The following OSBPL3 variants were observed in gnomAD, a reference collection of about 807,000 sequenced individuals.
OSBPL3 encodes oxysterol binding protein like 3.
Under a neutral mutation model 120.1 loss-of-function variants are expected in OSBPL3, and 65 were observed. That is an observed-to-expected ratio of 0.54 (90% CI 0.44 to 0.67). The LOEUF (loss-of-function observed/expected upper bound fraction) is 0.67, where lower values mean the gene tolerates loss of function less well. Ranked by LOEUF, OSBPL3 falls within the 30% of genes least tolerant of loss-of-function variation. OSBPL3 has a pLI of 0.00. For synonymous variants in OSBPL3, 416 were observed against 402.6 expected, an observed-to-expected ratio of 1.03 and a Z score of -0.40; for missense variants, 1,004 against 1,082.1, an observed-to-expected ratio of 0.93 and a Z score of 1.01.
rs1339401772 is a variant in OSBPL3, at chr7:24,938,077, G to C, written c.-150+41809C>G. On this transcript the variant is annotated intron_variant, in intron 1 of 22. Transcript: ENST00000313367. This position sits in a 1 kb window ranked among gnomAD's most constrained non-coding sequence, Gnocchi z 5.8. ...CAAATGGTGGCCTAAATATACAAGGGCTTATTTGCTATGGGCTGAAAGTTT... is the reference window on the plus strand; with the variant it reads ...CAAATGGTGGCCTAAATATACAAGGCCTTATTTGCTATGGGCTGAAAGTTT... Among the ~76,000 whole-genome samples the C allele has an allele frequency of 1.3e-5, 2 of 152,138 alleles. No individual in the cohort carries two copies. The highest frequency in any genetic ancestry group is 4.8e-5 in the African/African-American group (2 of 41,410).
At chr7:24,980,204 C>G (rs1019294375), upstream of OSBPL3, 45 of 274,972 alleles carry the variant, frequency 1.6e-4, no homozygotes, top group African/African-American at 9.4e-4. Flanking sequence ...GCGATTAGCC[C>G]GAGGAGCCGC....
At chr7:24,909,792 T>TC (rs1808548512) in intron 1 of OSBPL3, among the ~76,000 whole-genome samples, 1 of 135,718 alleles carries the variant, frequency 7.4e-6, no homozygotes, top group Non-Finnish European at 1.6e-5. Context: ...TCTTTTTTTT[T>TC]TTTTTTTTTT....
intron 1 of OSBPL3, among the ~76,000 whole-genome samples, chr7:24,961,398 T>C (rs1815722096): frequency 6.6e-6 from 1 of 152,178 alleles, no homozygotes; most frequent in South Asian, 2.1e-4. Context: ...GGTCCTGCTA[T>C]GGTCTGAATG....
intron 12 of OSBPL3, among the ~76,000 whole-genome samples, chr7:24,844,358 T>C (rs1388457315): frequency 6.6e-6 from 1 of 151,004 alleles, no homozygotes; most frequent in African/African-American, 2.4e-5. Flanking sequence ...TGTTAAAATA[T>C]TATGAGATTT....
chr7:24,882,358 C>G (rs1803828073), intron 2 of OSBPL3, among the ~76,000 whole-genome samples: 1 of 149,134 alleles, frequency 6.7e-6, no homozygotes. Context: ...TGATATTTGT[C>G]TTTCTGTGCC....
At chr7:24,934,317 T>C (rs1812126651) in intron 1 of OSBPL3, among the ~76,000 whole-genome samples, 1 of 152,154 alleles carries the variant, frequency 6.6e-6, no homozygotes, top group African/African-American at 2.4e-5. Flanking sequence ...TAAGCTTTAA[T>C]GACAGATAAC....
rs1584390822 is a variant in OSBPL3 at position 24,855,198 on chromosome 7, C to T, written c.1028-2564G>A. Among the ~76,000 whole-genome samples, 1 of 152,144 alleles carries T rather than the reference C, an allele frequency of 6.6e-6. No homozygotes were observed. Reference sequence around the variant, plus strand: ...CACTATGCCCCTCCCCTGCCTGCCACACACACAGGATGCCCATGGCCATCT... The same window carrying T: ...CACTATGCCCCTCCCCTGCCTGCCATACACACAGGATGCCCATGGCCATCT... On this transcript the variant is annotated intron_variant, in intron 10 of 22. Coordinates refer to ENST00000313367, the MANE Select transcript of OSBPL3 (RefSeq NM_015550.4). The surrounding 1 kb of genome is among the most constrained non-coding windows in gnomAD (Gnocchi z 4.3).
At position 24,852,701 on chromosome 7, in the gene OSBPL3, A is replaced by C; in HGVS notation, c.1028-67T>G. The stretch of plus-strand genomic sequence containing the variant: ...AATTAAAAACAAAATACAGAAAAAA[A>C]CATATCTCTTATAAAAGAAACAAGC... On this transcript the variant is annotated intron_variant, in intron 10 of 22. Coordinates refer to ENST00000313367, the MANE Select transcript of OSBPL3 (RefSeq NM_015550.4). This position sits in a 1 kb window ranked among gnomAD's most constrained non-coding sequence, Gnocchi z 4.1. 2.8e-6 allele frequency: 3 copies of C among 1,053,772 alleles called. No homozygotes were observed. The highest frequency in any genetic ancestry group is 4.0e-6 in the Non-Finnish European group (3 of 756,270). The allele number at this position is 1,053,772 out of a possible 1,614,324, so 65.3% of individuals were successfully genotyped here. A position where few individuals can be genotyped will look rare whatever the true frequency, so the allele number is the denominator to read the frequency against.
In OSBPL3 at chr7:24,883,473, T is replaced by A. The variant is rs1359997372; in HGVS notation, c.96+8904A>T. On this transcript the variant is annotated intron_variant, in intron 2 of 22. Coordinates refer to ENST00000313367, the MANE Select transcript of OSBPL3 (RefSeq NM_015550.4). The surrounding 1 kb of genome is among the most constrained non-coding windows in gnomAD (Gnocchi z 5.4). Reference sequence around the variant, plus strand: ...TTCTTGAGAACATTCCATTACCTTGTACAGCTGCTATGCTGTGCTCTCAAC... The same window carrying A: ...TTCTTGAGAACATTCCATTACCTTGAACAGCTGCTATGCTGTGCTCTCAAC... Among the ~76,000 whole-genome samples, 1 of 152,202 alleles carries A rather than the reference T, an allele frequency of 6.6e-6. No homozygotes were observed.
chr7:24,979,260 T>C (rs1817922807), intron 1 of OSBPL3, among the ~76,000 whole-genome samples: 1 of 148,910 alleles, frequency 6.7e-6, no homozygotes, highest in Admixed American at 6.7e-5. Context: ...AGCCTGAAGG[T>C]GATCTGAACA....
intron 10 of OSBPL3, among the ~76,000 whole-genome samples, chr7:24,853,299 T>G (rs1435846790): frequency 6.6e-6 from 1 of 152,218 alleles, no homozygotes; most frequent in Non-Finnish European, 1.5e-5. Flanking sequence ...ACCATGTGCC[T>G]CTAGGTAAAA....
chr7:24,962,008 T>C (rs1354063359), intron 1 of OSBPL3, among the ~76,000 whole-genome samples: 1 of 152,138 alleles, frequency 6.6e-6, no homozygotes, highest in African/African-American at 2.4e-5. Flanking sequence ...TCAACCTTCC[T>C]GTTGTTTAAT....
At chr7:24,979,360 C>T (rs1438945662) in intron 1 of OSBPL3, among the ~76,000 whole-genome samples, 2 of 152,216 alleles carry the variant, frequency 1.3e-5, no homozygotes, top group South Asian at 2.1e-4. Context: ...AGGAATGTGC[C>T]CTGGGCCTCC....
At chr7:24,825,176 G>C (rs997535707) in intron 16 of OSBPL3, among the ~76,000 whole-genome samples, 1 of 152,202 alleles carries the variant, frequency 6.6e-6, no homozygotes, top group Non-Finnish European at 1.5e-5. Context: ...ACTGGCTCTG[G>C]AAACAGGAGA....
rs1406103805 is a variant in OSBPL3 at position 24,913,299 on chromosome 7, G to A, written c.-149-20678C>T. Among the ~76,000 whole-genome samples the A allele has an allele frequency of 1.3e-5, 2 of 152,152 alleles. No homozygotes were observed. The highest frequency in any genetic ancestry group is 2.9e-5 in the Non-Finnish European group (2 of 68,024). ...CTGAAACCCCAGGCAGGAAGCCCTG[G>A]CAGACCTCCAGACTCAGCAGGTGGG... On this transcript the variant is annotated intron_variant, in intron 1 of 22. Coordinates refer to ENST00000313367, the MANE Select transcript of OSBPL3 (RefSeq NM_015550.4). The surrounding 1 kb of genome is among the most constrained non-coding windows in gnomAD (Gnocchi z 5.3).
At chr7:24,811,304 T>C (rs1004674010) in intron 19 of OSBPL3, among the ~76,000 whole-genome samples, 2 of 152,254 alleles carry the variant, frequency 1.3e-5, no homozygotes, top group Non-Finnish European at 2.9e-5. Context: ...CATATATCTA[T>C]TGGCCACTTG....
Position 24,842,388 on chromosome 7 carries a change from G to A in OSBPL3, c.1292C>T (p.Ala431Val). 6.2e-7 allele frequency: 1 copy of A among 1,610,626 alleles called. No individual in the cohort carries two copies. Among genetic ancestry groups the A allele is most frequent in the Non-Finnish European group, 8.5e-7 (1 of 1,178,866 alleles). The part of the protein sequence containing the change: ...AEENSRDENR[A>V]LVHQLSNESR... The stretch of plus-strand genomic sequence containing the variant: ...TTCATTAGAAAGCTGATGAACTAGA[G>A]CTCGGTTTTCATCTCTGGAGTTTTC... The change falls in exon 13 of 23, where the codon GCT becomes GTT. Residue 431 changes from alanine (A) to valine (V), a missense_variant. Around this residue, in one of 4 missense-constraint regions of OSBPL3, gnomAD observed 473 missense variants for 568.0 expected, o/e 0.83. Coordinates refer to ENST00000313367, the MANE Select transcript of OSBPL3 (RefSeq NM_015550.4).
At chr7:24,861,420 C>A (rs186713914) in intron 10 of OSBPL3, among the ~76,000 whole-genome samples, 193 bp downstream of exon 10, 414 of 152,260 alleles carry the variant, frequency 2.7e-3, no homozygotes, top group African/African-American at 8.3e-3. Flanking sequence ...TTGTCTCCCC[C>A]ACAAGGTTAA....
rs1792753593 is a variant in OSBPL3 at position 24,804,306 on chromosome 7, G to C, written c.2567+9C>G. ...ATCAACCAAAAACCTACTCAATCCA[G>C]GCACGAACCTGAAAAACCGAGGCTG... On this transcript the variant is annotated intron_variant, in intron 22 of 22. Coordinates refer to ENST00000313367, the MANE Select transcript of OSBPL3 (RefSeq NM_015550.4). The surrounding 1 kb of genome is among the most constrained non-coding windows in gnomAD (Gnocchi z 5.4). 6.2e-7 allele frequency: 1 copy of C among 1,613,984 alleles called. No homozygotes were observed. The highest frequency in any genetic ancestry group is 1.3e-5 in the African/African-American group (1 of 74,898).
Sources: gnomAD v4.1 joint callset for allele counts (sites outside exome capture counted in the v4.1 genomes callset) on GRCh38, gnomAD v4.1.1 for gene constraint, gnomAD v4.1.1 regional missense constraint, Gnocchi (gnomAD v3.1) non-coding constraint, MANE v1.5 for transcripts, NCBI Gene and HGNC (gene_info 2026-07-23, HGNC 2026-07-21) for gene names.